Variants in WDPCP observed in about 807,000 individuals in gnomAD.
The protein encoded by WDPCP is WD repeat-containing and planar cell polarity effector protein fritz homolog.
In WDPCP, 71 loss-of-function variants were observed where a neutral mutation model predicts 93.1. The observed-to-expected ratio is 0.76, with a 90% CI of 0.63 to 0.93. WDPCP has a LOEUF of 0.93. Among genes scored for constraint, WDPCP ranks in the 40% least tolerant of loss-of-function variants. The pLI, the probability that WDPCP is intolerant of heterozygous loss-of-function variation, is 0.00. For synonymous variants in WDPCP, 315 were observed against 315.0 expected, an observed-to-expected ratio of 1.00 and a Z score of 0.00; for missense variants, 844 against 887.4, an observed-to-expected ratio of 0.95 and a Z score of 0.62.
chr2:63,454,834 G>A (rs1391390600), intron 6 of WDPCP, among the ~76,000 whole-genome samples: 5 of 152,142 alleles, frequency 3.3e-5, no homozygotes, highest in African/African-American at 1.2e-4. Flanking sequence ...TAGTCATAAA[G>A]GAGCCCCTAT....
chr2:63,403,908 C>T, intron 10 of WDPCP, 140 bp downstream of exon 10: 8 of 1,174,954 alleles, frequency 6.8e-6, no homozygotes, highest in South Asian at 1.4e-5. Flanking sequence ...CAAAAGGGAA[C>T]TATATGGATA....
chr2:63,527,143 T>A (rs1208717155), intron 1 of WDPCP, among the ~76,000 whole-genome samples: 1 of 152,204 alleles, frequency 6.6e-6, no homozygotes, highest in African/African-American at 2.4e-5. Context: ...CACTGCTTTG[T>A]TCTTGACTAT....
rs1362789307 is a variant in WDPCP at position 63,434,956 on chromosome 2, CAACCAAGGCCATTAA to C, written c.634-1035_634-1021del. Among the ~76,000 whole-genome samples, 4 of 152,124 alleles carry C rather than the reference CAACCAAGGCCATTAA, an allele frequency of 2.6e-5. 1 individual carries two copies. Among genetic ancestry groups the C allele is most frequent in the Non-Finnish European group, 5.9e-5 (4 of 68,010 alleles). ...TCATCCAAATTGTGATCTCACCACT[CAACCAAGGCCATTAA>C]AACCAAGGTTAATGCTTTAATAATC... is the stretch of plus-strand genomic sequence containing the variant. On this transcript the variant is annotated intron_variant, in intron 8 of 17. Transcript: ENST00000272321.
intron 9 of WDPCP, among the ~76,000 whole-genome samples, chr2:63,420,833 A>C (rs1349005949): frequency 1.3e-5 from 2 of 152,244 alleles, no homozygotes; most frequent in Non-Finnish European, 2.9e-5. Flanking sequence ...GCTGTAGAGC[A>C]TTCCACCCTC....
chr2:63,454,913 T>A (rs1458106570), intron 6 of WDPCP, among the ~76,000 whole-genome samples: 1 of 152,040 alleles, frequency 6.6e-6, no homozygotes, highest in Admixed American at 6.5e-5. Flanking sequence ...ATAGTCAAAT[T>A]GCTGAAAGAA....
At chr2:63,604,659 T>C in intron 3 of WDPCP, 1 of 1,535,066 alleles carries the variant, frequency 6.5e-7, no homozygotes, top group Middle Eastern at 1.7e-4. Context: ...ATAAAAACCA[T>C]TTGTCTCAGT....
chr2:63,756,619 T>C (rs903966992), intron 2 of WDPCP, among the ~76,000 whole-genome samples: 2 of 152,228 alleles, frequency 1.3e-5, no homozygotes, highest in Non-Finnish European at 2.9e-5. Context: ...TATCATTTAA[T>C]ATATGGGCAA....
chr2:63,397,746 TTCCAAGAGCAG>T (rs1407788140), intron 10 of WDPCP, among the ~76,000 whole-genome samples: 1 of 152,096 alleles, frequency 6.6e-6, no homozygotes, highest in Non-Finnish European at 1.5e-5. Flanking sequence ...CTGGTGACTT[TTCCAAGAGCAG>T]TTCTGAGACA....
chr2:63,420,598 CCCTTG>C (rs1695787426), intron 9 of WDPCP, among the ~76,000 whole-genome samples: 1 of 151,544 alleles, frequency 6.6e-6, no homozygotes, highest in South Asian at 2.1e-4. Context: ...AAATCCTATT[CCCTTG>C]CCTCTCTCCC....
chr2:63,824,234 C>G (rs1309336392), intron 1 of WDPCP, among the ~76,000 whole-genome samples: 2 of 152,072 alleles, frequency 1.3e-5, no homozygotes, highest in Non-Finnish European at 2.9e-5. Context: ...TAAGACATGC[C>G]TGCTTCCTCT....
At chr2:63,208,902 A>T (rs2104391887) in intron 14 of WDPCP, among the ~76,000 whole-genome samples, 1 of 152,262 alleles carries the variant, frequency 6.6e-6, no homozygotes, top group African/African-American at 2.4e-5. Flanking sequence ...GCCTTGGAAC[A>T]CCTGCATTAT....
intron 15 of WDPCP, among the ~76,000 whole-genome samples, chr2:63,161,670 A>T (rs1672652773): frequency 1.3e-5 from 2 of 152,186 alleles, no homozygotes; most frequent in African/African-American, 4.8e-5. Context: ...ATATAATTTG[A>T]CTAAAAATAA....
chr2:63,407,722 C>G (rs2105228647), intron 9 of WDPCP, among the ~76,000 whole-genome samples: 1 of 152,226 alleles, frequency 6.6e-6, no homozygotes, highest in East Asian at 1.9e-4. Flanking sequence ...ATATATTTTA[C>G]ACTTTTTTGT....
chr2:63,650,185 T>C (rs963709707), intron 3 of WDPCP, among the ~76,000 whole-genome samples: 3 of 152,216 alleles, frequency 2.0e-5, no homozygotes, highest in Non-Finnish European at 2.9e-5. Context: ...TTCAGTACAG[T>C]AGTTTTCAAA....
rs572219710 is a variant in WDPCP at position 63,751,718 on chromosome 2, A to G, written n.308+61904T>C. The stretch of plus-strand genomic sequence containing the variant: ...AAAATCTTCTCCCATTGCTGTAACT[A>G]CTGCTGCTACTGAAATTGACATAGT... On this transcript the variant is annotated intron_variant and non_coding_transcript_variant, in intron 2 of 4. Coordinates refer to the WDPCP transcript ENST00000467687. 119 of 543,086 alleles carry G rather than the reference A, an allele frequency of 2.2e-4. 2 individuals carry two copies. The highest frequency in any genetic ancestry group is 1.8e-3 in the South Asian group (116 of 64,076). 33.6% of individuals were successfully genotyped at this position (543,086 alleles called of 1,614,324 possible).
intron 2 of WDPCP, among the ~76,000 whole-genome samples, chr2:63,773,578 T>C (rs531493629): frequency 6.6e-6 from 1 of 152,200 alleles, no homozygotes; most frequent in East Asian, 1.9e-4. Flanking sequence ...ATTTTGTACT[T>C]TTCTGTATAT....
intron 14 of WDPCP, among the ~76,000 whole-genome samples, chr2:63,223,941 G>T (rs571611383): frequency 1.1e-4 from 16 of 152,118 alleles, no homozygotes; most frequent in East Asian, 9.7e-4. Flanking sequence ...CTATAGACTT[G>T]TAAAAGTTCT....
intron 12 of WDPCP, among the ~76,000 whole-genome samples, chr2:63,343,725 A>G (rs1001415191): frequency 6.6e-6 from 1 of 152,114 alleles, no homozygotes; most frequent in African/African-American, 2.4e-5. Flanking sequence ...TTTATTCCTC[A>G]GAGTTGATCA....
At chr2:63,264,894 C>T (rs1193136755) in intron 13 of WDPCP, among the ~76,000 whole-genome samples, 2 of 152,138 alleles carry the variant, frequency 1.3e-5, no homozygotes, top group African/African-American at 2.4e-5. Context: ...TGGCATGAAA[C>T]TATAAATCAG....
Sources: gnomAD v4.1 joint callset for allele counts (sites outside exome capture counted in the v4.1 genomes callset) on GRCh38, gnomAD v4.1.1 for gene constraint, MANE v1.5 for transcripts, NCBI Gene and HGNC (gene_info 2026-07-23, HGNC 2026-07-21) for gene names.